Variants in OCA2 observed in about 807,000 individuals in gnomAD.
OCA2 encodes the protein P protein.
In OCA2, 77 loss-of-function variants were observed where a neutral mutation model predicts 100.2. That is an observed-to-expected ratio of 0.77 (90% CI 0.64 to 0.93). The LOEUF is 0.93. OCA2 is among the 40% of genes least tolerant of loss of function. The probability of loss-of-function intolerance (pLI) is 0.00; values close to 1 mark genes in which losing one functional copy is unlikely to be tolerated. For missense variants in OCA2, 1,062 were observed against 1,089.1 expected (o/e 0.98, Z 0.35); for synonymous variants, 432 against 439.2 (o/e 0.98, Z 0.21).
intron 23 of OCA2, 120 bp from the exon 24 acceptor site, chr15:27,755,592 C>T: frequency 1.3e-6 from 1 of 742,976 alleles, no homozygotes; most frequent in South Asian, 1.5e-5. Context: ...TGGCCACTAC[C>T]TTTTATTTCC....
intron 4 of OCA2, among the ~76,000 whole-genome samples, chr15:28,027,360 C>T (rs938010243): frequency 6.6e-6 from 1 of 152,190 alleles, no homozygotes; most frequent in East Asian, 1.9e-4. Flanking sequence ...CTCTGTGCTC[C>T]GTGTGCCCCG....
chr15:27,885,127 G>T (rs1276871838), intron 19 of OCA2, among the ~76,000 whole-genome samples: 1 of 152,176 alleles, frequency 6.6e-6, no homozygotes, highest in Non-Finnish European at 1.5e-5. Flanking sequence ...ATGAGGAAAG[G>T]TAACTAATAT....
At chr15:27,817,145 T>C (rs1333128417) in intron 23 of OCA2, among the ~76,000 whole-genome samples, 1 of 152,208 alleles carries the variant, frequency 6.6e-6, no homozygotes, top group Non-Finnish European at 1.5e-5. Flanking sequence ...TCTGTATTTT[T>C]CGCCTTCTTT....
chr15:27,784,835 A>G (rs1487064572), intron 23 of OCA2, among the ~76,000 whole-genome samples: 1 of 152,166 alleles, frequency 6.6e-6, no homozygotes, highest in East Asian at 1.9e-4. Context: ...TGAATTGTGG[A>G]ATAACATCAA....
chr15:27,745,271 T>TA, the OCA2 span, among the ~76,000 whole-genome samples: 1 of 152,076 alleles, frequency 6.6e-6, no homozygotes, highest in African/African-American at 2.4e-5. Context: ...GTATATAGGA[T>TA]AAAAAAAGGT....
rs8042770 is a variant in OCA2 at position 27,772,129 on chromosome 15, G to A, written c.2433-16657C>T. 6.7e-3 allele frequency among the ~76,000 whole-genome samples: 1,016 copies of A among 152,376 alleles called. 16 individuals are homozygous for A. The highest frequency in any genetic ancestry group is 0.023 in the African/African-American group (974 of 41,586). On this transcript the variant is annotated intron_variant, in intron 23 of 23. Coordinates refer to ENST00000354638, the MANE Select transcript of OCA2 (RefSeq NM_000275.3). ...GCATCATAGCCAAGCCCTGGAATGG[G>A]AGGTGAGTTTGCTGTGCGTCCTGAA... is the stretch of plus-strand genomic sequence containing the variant.
At chr15:28,045,327 A>G (rs2043316715) in intron 2 of OCA2, among the ~76,000 whole-genome samples, 1 of 152,250 alleles carries the variant, frequency 6.6e-6, no homozygotes, top group Non-Finnish European at 1.5e-5. Flanking sequence ...CATATACAGT[A>G]TATAACACTT....
intron 14 of OCA2, among the ~76,000 whole-genome samples, chr15:27,973,192 T>C (rs1378061636): frequency 1.3e-5 from 2 of 152,162 alleles, no homozygotes; most frequent in Non-Finnish European, 1.5e-5. Context: ...TCAGTTTAAT[T>C]AGATCCCATT....
chr15:27,946,119 A>C (rs1274538705), intron 18 of OCA2, among the ~76,000 whole-genome samples: 1 of 152,152 alleles, frequency 6.6e-6, no homozygotes. Flanking sequence ...TGAACCTCTC[A>C]GGGTGTGTTA....
intron 23 of OCA2, among the ~76,000 whole-genome samples, chr15:27,795,913 A>G (rs2033309858): frequency 1.3e-5 from 2 of 152,258 alleles, no homozygotes; most frequent in African/African-American, 2.4e-5. Flanking sequence ...TTGTAAATTT[A>G]TAACTTAGCA....
chr15:27,835,020 T>C (rs4778193), intron 23 of OCA2, among the ~76,000 whole-genome samples: 114,796 of 152,114 alleles, frequency 0.75, 44,767 homozygotes, highest in East Asian at 1. Context: ...CCGGACGTAA[T>C]GGGATGCAGA....
intron 9 of OCA2, among the ~76,000 whole-genome samples, chr15:27,991,641 G>T (rs1179611843): frequency 1.8e-5 from 2 of 112,622 alleles, no homozygotes; most frequent in African/African-American, 5.1e-5. Flanking sequence ...TTGTGATGGT[G>T]GCAGAACTCT....
At chr15:27,998,576 T>C (rs1318792426) in intron 9 of OCA2, among the ~76,000 whole-genome samples, 1 of 146,954 alleles carries the variant, frequency 6.8e-6, no homozygotes. Context: ...TGTGGAGAAA[T>C]AGGAACACTT....
At chr15:27,966,871 C>G in intron 14 of OCA2, 49 bp from the exon 15 acceptor site, 1 of 1,570,776 alleles carries the variant, frequency 6.4e-7, no homozygotes, top group Non-Finnish European at 8.6e-7. Context: ...CATGGTGGCT[C>G]ACGCCTGTAA....
At chr15:27,937,649 C>T (rs991831293) in intron 18 of OCA2, among the ~76,000 whole-genome samples, 4 of 152,170 alleles carry the variant, frequency 2.6e-5, no homozygotes, top group African/African-American at 9.7e-5. Context: ...TTACTCATGA[C>T]TTACAAGGTT....
chr15:27,910,997 C>T (rs1423418105), intron 19 of OCA2, among the ~76,000 whole-genome samples: 1 of 151,790 alleles, frequency 6.6e-6, no homozygotes, highest in African/African-American at 2.4e-5. Context: ...AAAAGAAATA[C>T]AAGACAGGTA....
At chr15:28,083,630 G>A (rs74491234) in intron 1 of OCA2, among the ~76,000 whole-genome samples, 52 of 152,048 alleles carry the variant, frequency 3.4e-4, no homozygotes, top group African/African-American at 1.1e-3. Flanking sequence ...AAACTGATGT[G>A]GCATGATATA....
intron 18 of OCA2, among the ~76,000 whole-genome samples, chr15:27,950,038 CG>C (rs1314326557): frequency 6.6e-6 from 1 of 152,080 alleles, no homozygotes; most frequent in Admixed American, 6.5e-5. Context: ...GTAAAAAAAA[CG>C]TAGACTTGCA....
At chr15:28,033,815 T>A (rs2042975259) in intron 2 of OCA2, among the ~76,000 whole-genome samples, 1 of 152,178 alleles carries the variant, frequency 6.6e-6, no homozygotes, top group South Asian at 2.1e-4. Context: ...CTGTTTCCCA[T>A]AACTATAAAT....
Sources: allele counts gnomAD v4.1 joint callset (sites outside exome capture counted in the v4.1 genomes callset), GRCh38; gene constraint gnomAD v4.1.1; transcripts MANE v1.5; gene names NCBI Gene and HGNC (gene_info 2026-07-23, HGNC 2026-07-21).